Variants in VOPP1 observed in about 807,000 individuals in gnomAD.
VOPP1 encodes VOPP1 WW domain binding protein.
A neutral mutation model predicts 23.5 loss-of-function variants in VOPP1; 8 were observed. The ratio of observed to expected loss-of-function variants is 0.34; its 90% CI spans 0.20 to 0.61. The LOEUF is 0.61. Among genes scored for constraint, VOPP1 ranks in the 20% least tolerant of loss-of-function variants. The probability of loss-of-function intolerance (pLI) is 0.78; values close to 1 mark genes in which losing one functional copy is unlikely to be tolerated. For synonymous variants in VOPP1, 83 were observed against 97.3 expected (o/e 0.85, Z 0.86); for missense variants, 174 against 238.1 (o/e 0.73, Z 1.77).
chr7:55,531,713 A>AGG (rs1796509718), intron 1 of VOPP1, among the ~76,000 whole-genome samples: 1 of 152,176 alleles, frequency 6.6e-6, no homozygotes, highest in South Asian at 2.1e-4. Context: ...AAAAAAGTCA[A>AGG]CAGATCAGCT....
intron 1 of VOPP1, among the ~76,000 whole-genome samples, chr7:55,539,899 G>GCACACACACACACACACACA (rs60831624): frequency 7.2e-6 from 1 of 139,250 alleles, no homozygotes. Flanking sequence ...CATAAGCGCT[G>GCACACACACACACACACACA]CACACACACA....
intron 4 of VOPP1, among the ~76,000 whole-genome samples, chr7:55,478,568 G>C (rs1218303921): frequency 6.6e-6 from 1 of 152,088 alleles, no homozygotes; most frequent in Non-Finnish European, 1.5e-5. Flanking sequence ...AACTGAAAGG[G>C]AGAAACAAAA....
intron 4 of VOPP1, among the ~76,000 whole-genome samples, chr7:55,490,483 C>T (rs1420040122): frequency 6.6e-6 from 1 of 152,176 alleles, no homozygotes; most frequent in Admixed American, 6.5e-5. Context: ...ACCTCACCTA[C>T]TCACCACAAG....
At chr7:55,481,516 G>A (rs1792709804) in intron 4 of VOPP1, among the ~76,000 whole-genome samples, 1 of 152,246 alleles carries the variant, frequency 6.6e-6, no homozygotes, top group Non-Finnish European at 1.5e-5. Flanking sequence ...GCTCCTGGCT[G>A]GAGCCCTGGA....
rs1277582204 is a variant in VOPP1 at position 55,473,022 on chromosome 7, A to T, written c.352T>A (p.Tyr118Asn). ...CCCGGTCCTCCTGGGTCGGTGTAAT[A>T]GGGCGGCCCCGGCTGCTGGGCTCCT... is the stretch of plus-strand genomic sequence containing the variant. ...GPGAQQPGPP[Y>N]YTDPGGPGMN... The change falls in exon 5 of 5, where the codon TAT becomes AAT. Residue 118 changes from tyrosine to asparagine, a missense_variant. Transcript: ENST00000285279. The T allele has an allele frequency of 1.3e-6, 2 of 1,598,668 alleles. No individual in the cohort carries two copies. The highest frequency in any genetic ancestry group is 4.6e-5 in the East Asian group (2 of 43,494).
chr7:55,567,841 G>A (rs1410664326), intron 1 of VOPP1, among the ~76,000 whole-genome samples: 1 of 152,176 alleles, frequency 6.6e-6, no homozygotes, highest in Non-Finnish European at 1.5e-5. Context: ...GAGTGGGTGG[G>A]CTGAAAGGTT....
intron 4 of VOPP1, chr7:55,436,186 G>T (rs543493062): frequency 3.3e-5 from 5 of 152,380 alleles, no homozygotes; most frequent in African/African-American, 1.2e-4. Context: ...TACAAAGAAA[G>T]TAATAAATAC....
intron 1 of VOPP1, among the ~76,000 whole-genome samples, chr7:55,541,963 C>G (rs555440067): frequency 1.3e-5 from 2 of 152,232 alleles, no homozygotes; most frequent in South Asian, 4.1e-4. Flanking sequence ...CTAGGAGGAA[C>G]AAAATATTCC....
Position 55,539,208 on chromosome 7 carries a change from G to A in VOPP1, c.55-18078C>T, listed in dbSNP as rs1270739580. ...AAAAATACAAAAATTAGCCGGGCAT[G>A]GTGGCACACGTCTGTAATCCCAGCT... On this transcript the variant is annotated intron_variant, in intron 1 of 4. Coordinates refer to ENST00000285279, the MANE Select transcript of VOPP1 (RefSeq NM_030796.5). Among the ~76,000 whole-genome samples the A allele has an allele frequency of 4.6e-5, 7 of 152,262 alleles. No homozygotes were observed. In the East Asian group the frequency reaches 1.3e-3, roughly 29 times the overall value.
chr7:55,496,611 T>C (rs1191567275), intron 3 of VOPP1, among the ~76,000 whole-genome samples: 4 of 152,188 alleles, frequency 2.6e-5, no homozygotes, highest in Admixed American at 2.0e-4. Flanking sequence ...GAGGTGATGA[T>C]GAAAGAAGGC....
At chr7:55,490,418 A>C (rs559130260) in intron 4 of VOPP1, among the ~76,000 whole-genome samples, 53 of 152,186 alleles carry the variant, frequency 3.5e-4, no homozygotes, top group African/African-American at 1.2e-3. Context: ...CTCTTCTCAA[A>C]ACCCTGGCAT....
downstream of VOPP1, among the ~76,000 whole-genome samples, chr7:55,435,821 C>T (rs1011283167): frequency 3.9e-5 from 6 of 152,192 alleles, no homozygotes; most frequent in South Asian, 2.1e-4. Flanking sequence ...CAAATGCTTA[C>T]GGAGCATCCA....
chr7:55,560,978 C>T (rs570931126), intron 1 of VOPP1, among the ~76,000 whole-genome samples: 21 of 152,278 alleles, frequency 1.4e-4, no homozygotes, highest in South Asian at 8.3e-4. Flanking sequence ...CTGGCAGCCA[C>T]CCTTCTACCT....
At chr7:55,495,010 T>C (rs1793853551) in intron 3 of VOPP1, among the ~76,000 whole-genome samples, 1 of 152,080 alleles carries the variant, frequency 6.6e-6, no homozygotes, top group Non-Finnish European at 1.5e-5. Flanking sequence ...AGAAGTTACC[T>C]GGTTACTTTA....
chr7:55,436,681 T>C (rs1790838715), intron 4 of VOPP1, among the ~76,000 whole-genome samples: 1 of 151,686 alleles, frequency 6.6e-6, no homozygotes, highest in Admixed American at 6.6e-5. Context: ...CGTGTGCGTG[T>C]GTGCATGTGC....
At chr7:55,572,058 G>T (rs1267112062) in intron 1 of VOPP1, among the ~76,000 whole-genome samples, 1 of 152,142 alleles carries the variant, frequency 6.6e-6, no homozygotes. Context: ...AAAACCGAAG[G>T]AACGACGGAA....
At chr7:55,553,176 T>C (rs571510920) in intron 1 of VOPP1, among the ~76,000 whole-genome samples, 16 of 152,336 alleles carry the variant, frequency 1.1e-4, no homozygotes, top group South Asian at 2.1e-4. Context: ...TTCCAATATA[T>C]GTGTTGCCCT....
intron 1 of VOPP1, 88 bp downstream of exon 1, chr7:55,572,183 T>C: frequency 2.7e-6 from 3 of 1,123,610 alleles, no homozygotes; most frequent in Non-Finnish European, 2.5e-6. Context: ...CCAGGCAAGG[T>C]CCTCTGGGGC....
intron 2 of VOPP1, chr7:55,516,040 C>G: frequency 2.0e-6 from 2 of 985,462 alleles, no homozygotes; most frequent in Non-Finnish European, 2.4e-6. Context: ...AGAAGCTCAA[C>G]TCGAGGAGAG....
Sources: allele counts gnomAD v4.1 joint callset (sites outside exome capture counted in the v4.1 genomes callset), GRCh38; gene constraint gnomAD v4.1.1; transcripts MANE v1.5; gene names NCBI Gene and HGNC (gene_info 2026-07-23, HGNC 2026-07-21).